MTOR: variants seen among roughly 807,000 people sequenced by gnomAD.
The protein encoded by MTOR is mechanistic target of rapamycin kinase, also known as serine/threonine-protein kinase mTOR.
Under a neutral mutation model 319.8 loss-of-function variants are expected in MTOR, and 70 were observed. That is an observed-to-expected ratio of 0.22 (90% CI 0.18 to 0.27). The LOEUF (loss-of-function observed/expected upper bound fraction) is 0.27. Among genes scored for constraint, MTOR ranks in the 10% least tolerant of loss-of-function variants. The probability of loss-of-function intolerance (pLI) is 1.00; values close to 1 mark genes in which losing one functional copy is unlikely to be tolerated. For synonymous variants in MTOR, 1,183 were observed against 1,211.4 expected (o/e 0.98, Z 0.49); for missense variants, 1,890 against 3,274.4 (o/e 0.58, Z 10.32).
At chr1:11,176,660 C>T (rs182641100) in intron 28 of MTOR, among the ~76,000 whole-genome samples, 29 of 152,320 alleles carry the variant, frequency 1.9e-4, no homozygotes, top group African/African-American at 7.0e-4. Context: ...GCCTGACCAG[C>T]CACACTGAGG....
chr1:11,230,861 C>G, intron 18 of MTOR, 64 bp downstream of exon 18: 1 of 1,605,716 alleles, frequency 6.2e-7, no homozygotes, highest in East Asian at 2.2e-5. Flanking sequence ...ACTTTCTAAA[C>G]ACAACCAGCA....
intron 29 of MTOR, among the ~76,000 whole-genome samples, chr1:11,165,909 G>A (rs1362471340): frequency 6.6e-6 from 1 of 152,104 alleles, no homozygotes; most frequent in African/African-American, 2.4e-5. Context: ...TAGACCAATG[G>A]AACAGAACAG....
rs368329497 is a variant in MTOR, at chr1:11,237,149, A to G, written c.2208+694T>C. On this transcript the variant is annotated intron_variant, in intron 13 of 57. Transcript: ENST00000361445. ...AATGGGGACAGGAAATGACTGGGTG[A>G]GCAACATAGAGACCCACAAGAGGCA... Among the ~76,000 whole-genome samples, 167 of 152,296 alleles carry G rather than the reference A, an allele frequency of 1.1e-3. 1 individual carries two copies. Among genetic ancestry groups the G allele is most frequent in the South Asian group, 8.3e-3 (40 of 4,824 alleles).
At chr1:11,181,294 C>T (rs1042883876) in intron 28 of MTOR, among the ~76,000 whole-genome samples, 1 of 152,030 alleles carries the variant, frequency 6.6e-6, no homozygotes, top group South Asian at 2.1e-4. Flanking sequence ...TGAGACACAG[C>T]CTGGTGATGT....
Position 11,189,997 on chromosome 1 carries a change from C to T in MTOR, c.4253+9261G>A, listed in dbSNP as rs530619225. ...CCTGAGGGAGCGTGGAGTGCCTCCC[C>T]ATCTACAGCACTGCTTCTACATATC... On this transcript the variant is annotated intron_variant, in intron 28 of 57. Transcript: ENST00000361445. 308 of 1,563,790 alleles carry T rather than the reference C, an allele frequency of 2.0e-4. 4 individuals carry two copies. The South Asian group carries it at 3.4e-3, about 17-fold the overall frequency.
At chr1:11,219,903 C>T (rs1207933112) in intron 19 of MTOR, among the ~76,000 whole-genome samples, 1 of 151,516 alleles carries the variant, frequency 6.6e-6, no homozygotes, top group Admixed American at 6.6e-5. Flanking sequence ...CATGGTGGTG[C>T]ACGCCTGTAG....
At chr1:11,219,925 C>T (rs557753549) in intron 19 of MTOR, among the ~76,000 whole-genome samples, 1 of 150,030 alleles carries the variant, frequency 6.7e-6, no homozygotes, top group South Asian at 2.1e-4. Context: ...TCCAGCTACT[C>T]AGGAGGCTGA....
chr1:11,247,788 GAA>G (rs748136346), intron 7 of MTOR, 29 bp downstream of exon 7: 13 of 1,612,258 alleles, frequency 8.1e-6, no homozygotes, highest in Admixed American at 1.7e-5. Context: ...TGGAGCTTAG[GAA>G]AAGAGGGAAA....
chr1:11,212,130 C>T lies in MTOR; in HGVS notation c.3561+182G>A, dbSNP rs188830038. On this transcript the variant is annotated intron_variant, in intron 23 of 57. Transcript: ENST00000361445. This position sits in a 1 kb window ranked among gnomAD's most constrained non-coding sequence, Gnocchi z 4.1. ...TCTGTTTACCGTGTTACCCCCAGAA[C>T]GGCACTTAGCTCACATAGGTTGCTC... Among the ~76,000 whole-genome samples the T allele has an allele frequency of 4.6e-5, 7 of 152,224 alleles. No homozygotes were observed. Among genetic ancestry groups the T allele is most frequent in the East Asian group, 1.9e-4 (1 of 5,190 alleles).
intron 5 of MTOR, among the ~76,000 whole-genome samples, chr1:11,255,642 G>A (rs1440169638): frequency 6.6e-6 from 1 of 151,794 alleles, no homozygotes; most frequent in Non-Finnish European, 1.5e-5. Context: ...CCTGAGGTCA[G>A]GAATTCGAGA....
At chr1:11,198,871 G>A (rs1027185070) in intron 28 of MTOR, among the ~76,000 whole-genome samples, 4 of 152,176 alleles carry the variant, frequency 2.6e-5, no homozygotes, top group African/African-American at 7.2e-5. Flanking sequence ...AAACCCCACT[G>A]TGCCCTTGAG....
intron 28 of MTOR, chr1:11,189,702 A>G: frequency 6.2e-7 from 1 of 1,614,196 alleles, no homozygotes; most frequent in South Asian, 1.1e-5. Context: ...CACAGCTCAA[A>G]GCGGCCAACT....
intron 8 of MTOR, among the ~76,000 whole-genome samples, chr1:11,243,800 A>AT: frequency 6.6e-6 from 1 of 152,350 alleles, no homozygotes; most frequent in South Asian, 2.1e-4. Flanking sequence ...CTGAAGAAAT[A>AT]TATGTCAAAC....
intron 29 of MTOR, among the ~76,000 whole-genome samples, chr1:11,157,904 T>C (rs534806978): frequency 1.2e-4 from 18 of 152,350 alleles, no homozygotes; most frequent in Non-Finnish European, 2.1e-4. Flanking sequence ...TTGGAAAGTC[T>C]TTCCCCTATT....
chr1:11,193,762 T>C, intron 28 of MTOR: 1 of 1,613,994 alleles, frequency 6.2e-7, no homozygotes, highest in Non-Finnish European at 8.5e-7. Context: ...CCCGGCTGCG[T>C]GTAGAGATGG....
chr1:11,257,086 G>C lies in MTOR; in HGVS notation c.351C>G (p.Ser117=). The change falls in exon 4 of 58, where the codon TCC becomes TCG. Residue 117 remains serine (S), a synonymous_variant. Coordinates refer to ENST00000361445, the MANE Select transcript of MTOR (RefSeq NM_004958.4). ...FANYLRNLLP[S]NDPVVMEMAS... is the part of the protein sequence containing the mutation. ...CCATTTCCATGACAACTGGGTCATT[G>C]GAGGGGAGGAGGTTCCGAAGATAGT... The C allele has an allele frequency of 6.2e-7, 1 of 1,614,168 alleles. No homozygotes were observed. Among genetic ancestry groups the C allele is most frequent in the South Asian group, 1.1e-5 (1 of 91,074 alleles).
intron 49 of MTOR, among the ~76,000 whole-genome samples, chr1:11,117,586 T>TA (rs1197270586): frequency 1.3e-5 from 2 of 152,284 alleles, no homozygotes; most frequent in Non-Finnish European, 2.9e-5. Context: ...GTGTTAGACT[T>TA]AAAGATCTGA....
At position 11,144,679 on chromosome 1, in the gene MTOR, A is replaced by G. The variant is rs56299586; in HGVS notation, c.4841T>C (p.Ile1614Thr). The change falls in exon 34 of 58, where the codon ATC (isoleucine) becomes ACC (threonine). Residue 1614 changes from isoleucine to threonine, a missense_variant. By Grantham distance (89) the Ile-to-Thr change is moderately conservative. Around this residue, in one of 15 missense-constraint regions of MTOR, gnomAD observed 276 missense variants for 459.4 expected, o/e 0.60. Transcript: ENST00000361445. ...TCTCTCCCACCAGATCTGGCGGATG[A>G]TCTCTCGTCGCTCGGGGACAAGTTT... ...QYKLVPERRE[I>T]IRQIWWERLQ... 3.8e-4 allele frequency: 618 copies of G among 1,614,078 alleles called. 1 individual carries two copies. The highest frequency in any genetic ancestry group is 5.0e-4 in the Non-Finnish European group (594 of 1,179,998).
chr1:11,153,486 T>C (rs968942575), intron 30 of MTOR, among the ~76,000 whole-genome samples: 5 of 152,216 alleles, frequency 3.3e-5, no homozygotes, highest in African/African-American at 1.2e-4. Context: ...TTGATTAGAG[T>C]TGAATTTTAA....
Sources: allele counts gnomAD v4.1 joint callset (sites outside exome capture counted in the v4.1 genomes callset), GRCh38; gene constraint gnomAD v4.1.1; regional missense constraint gnomAD v4.1.1; non-coding constraint Gnocchi (gnomAD v3.1); transcripts MANE v1.5; gene names NCBI Gene and HGNC (gene_info 2026-07-23, HGNC 2026-07-21).